The following PIP4P2 variants were observed in gnomAD, a reference collection of about 807,000 sequenced individuals.
PIP4P2 encodes the protein phosphatidylinositol-4,5-bisphosphate 4-phosphatase 2.
Under a neutral mutation model 33.3 loss-of-function variants are expected in PIP4P2, and 19 were observed. The ratio of observed to expected loss-of-function variants is 0.57; its 90% CI spans 0.40 to 0.84. PIP4P2 has a LOEUF of 0.84. PIP4P2 is among the 40% of genes least tolerant of loss of function. The pLI is 0.00. For synonymous variants in PIP4P2, 110 were observed against 111.9 expected (o/e 0.98, Z 0.11); for missense variants, 270 against 324.7 (o/e 0.83, Z 1.29).
In PIP4P2 at chr8:91,040,663, C is replaced by T. The variant is rs1370682271; in HGVS notation, c.87G>A (p.Leu29=). ...CCTTACCTCTGGGGCTGCTTTCTTG[C>T]AAGTACGGTGGGGCGGTGGGAGTGA... The part of the protein sequence containing the change: ...GNVTPTAPPY[L]QESSPRAELP... Residue 29 remains leucine, a synonymous_variant, in exon 1 of 7, where the codon TTG becomes TTA. Transcript: ENST00000285419. The T allele has an allele frequency of 6.2e-7, 1 of 1,613,630 alleles. No individual in the cohort carries two copies. Among genetic ancestry groups the T allele is most frequent in the Non-Finnish European group, 8.5e-7 (1 of 1,180,044 alleles).
intron 5 of PIP4P2, 58 bp from the exon 6 acceptor site, chr8:90,996,802 T>G (rs1443831201): frequency 7.1e-7 from 1 of 1,405,644 alleles, no homozygotes; most frequent in East Asian, 2.5e-5. Context: ...ATTCTCTATT[T>G]CATTTTTGTG....
chr8:91,018,263 A>G (rs2130367157), intron 4 of PIP4P2, 127 bp downstream of exon 4: 3 of 1,434,518 alleles, frequency 2.1e-6, no homozygotes, highest in Non-Finnish European at 2.8e-6. Context: ...GTCTGCCTAA[A>G]TAAGTCTCTA....
At chr8:91,001,903 C>A (rs1811704400) in intron 5 of PIP4P2, among the ~76,000 whole-genome samples, 1 of 152,046 alleles carries the variant, frequency 6.6e-6, no homozygotes, top group Admixed American at 6.6e-5. Flanking sequence ...TAGACTGATA[C>A]TAACCCTAAA....
chr8:91,022,508 G>A (rs1319920291), intron 1 of PIP4P2, among the ~76,000 whole-genome samples: 1 of 152,114 alleles, frequency 6.6e-6, no homozygotes, highest in Non-Finnish European at 1.5e-5. Context: ...GTAAAGTTTT[G>A]TCTTGGGACA....
At chr8:91,019,395 C>CA (rs71510466) in intron 3 of PIP4P2, among the ~76,000 whole-genome samples, 353 of 19,706 alleles carry the variant, frequency 0.018, 46 homozygotes, top group African/African-American at 0.064. Flanking sequence ...CCTGTCTCTA[C>CA]AAAAAAAAAA....
At chr8:91,038,286 G>C (rs749059744) in intron 1 of PIP4P2, among the ~76,000 whole-genome samples, 1 of 152,078 alleles carries the variant, frequency 6.6e-6, no homozygotes, top group Non-Finnish European at 1.5e-5. Context: ...AAAGAGAAAG[G>C]GGTCAGATTG....
At chr8:91,003,748 C>T (rs1196557249) in intron 5 of PIP4P2, among the ~76,000 whole-genome samples, 1 of 151,826 alleles carries the variant, frequency 6.6e-6, no homozygotes, top group South Asian at 2.1e-4. Flanking sequence ...AGAGAAAACC[C>T]GGATAAAGTG....
chr8:91,034,617 G>A (rs1250995700), intron 1 of PIP4P2, among the ~76,000 whole-genome samples: 1 of 152,182 alleles, frequency 6.6e-6, no homozygotes, highest in Non-Finnish European at 1.5e-5. Flanking sequence ...ACACTCTACT[G>A]GGGCTTGGGG....
At position 91,015,337 on chromosome 8, in the gene PIP4P2, G is replaced by A. The variant is rs538825589; in HGVS notation, c.486+3053C>T. 2.6e-5 allele frequency among the ~76,000 whole-genome samples: 4 copies of A among 152,236 alleles called. No homozygotes were observed. In the East Asian group the frequency reaches 5.8e-4, roughly 22 times the overall value. On this transcript the variant is annotated intron_variant, in intron 4 of 6. Transcript: ENST00000285419. ...AGGAAGAGGATAAGGAAGAGTGGAA[G>A]GAGGGGGAGAAGGAGGGAGAGGACG... is the stretch of plus-strand genomic sequence containing the variant.
intron 1 of PIP4P2, among the ~76,000 whole-genome samples, chr8:91,035,054 A>C (rs1812217212): frequency 6.6e-6 from 1 of 152,226 alleles, no homozygotes; most frequent in African/African-American, 2.4e-5. Context: ...ATAAGAGTAC[A>C]TATTAAATGA....
Position 90,994,398 on chromosome 8 carries a change from C to T in PIP4P2, c.*1279G>A, listed in dbSNP as rs565515585. The T allele has an allele frequency of 5.3e-5, 8 of 152,082 alleles. No homozygotes were observed. In the East Asian group the frequency reaches 9.6e-4, roughly 18 times the overall value. 9.4% of individuals were successfully genotyped at this position (152,082 alleles called of 1,614,324 possible). ...TTTGCTTCAAATTCTGTGATGAGTA[C>T]GTTTTTATACTAATCAGTATCATAA... On this transcript the variant is annotated 3_prime_UTR_variant, in exon 7 of 7. Coordinates refer to ENST00000285419, the MANE Select transcript of PIP4P2 (RefSeq NM_018710.3).
chr8:91,015,796 G>A (rs1811907924), intron 4 of PIP4P2, among the ~76,000 whole-genome samples: 1 of 152,100 alleles, frequency 6.6e-6, no homozygotes, highest in Non-Finnish European at 1.5e-5. Context: ...TGTCTTGATT[G>A]GCTAACACCT....
At chr8:91,018,249 G>A in intron 4 of PIP4P2, 141 bp downstream of exon 4, 1 of 1,333,084 alleles carries the variant, frequency 7.5e-7, no homozygotes, top group East Asian at 2.4e-5. Flanking sequence ...TTGCACTTCT[G>A]ATTGTCTGCC....
At chr8:91,025,996 G>C (rs1271917096) in intron 1 of PIP4P2, among the ~76,000 whole-genome samples, 1 of 152,132 alleles carries the variant, frequency 6.6e-6, no homozygotes, top group Non-Finnish European at 1.5e-5. Flanking sequence ...AAATTCATCT[G>C]GCTGAAGACA....
At chr8:91,003,998 G>C (rs1563561858) in intron 5 of PIP4P2, among the ~76,000 whole-genome samples, 1 of 151,866 alleles carries the variant, frequency 6.6e-6, no homozygotes. Flanking sequence ...TAGATAGATA[G>C]ATAGATAGAT....
chr8:91,016,637 C>G (rs1396291291), intron 4 of PIP4P2: 1 of 152,008 alleles, frequency 6.6e-6, no homozygotes, highest in Non-Finnish European at 1.5e-5. Flanking sequence ...ATAATATTTC[C>G]CTGCATCTTT....
At chr8:91,035,164 G>T (rs1394027295) in intron 1 of PIP4P2, among the ~76,000 whole-genome samples, 2 of 152,154 alleles carry the variant, frequency 1.3e-5, no homozygotes, top group Non-Finnish European at 2.9e-5. Flanking sequence ...AGGTGAAAAG[G>T]ATATGGCAAT....
chr8:91,035,590 G>A (rs1166235285), intron 1 of PIP4P2, among the ~76,000 whole-genome samples: 1 of 152,162 alleles, frequency 6.6e-6, no homozygotes, highest in Non-Finnish European at 1.5e-5. Flanking sequence ...GTCATTAAAT[G>A]TGAAGGTTTT....
chr8:91,039,469 G>A (rs1362828923), intron 1 of PIP4P2, among the ~76,000 whole-genome samples: 1 of 152,162 alleles, frequency 6.6e-6, no homozygotes, highest in South Asian at 2.1e-4. Context: ...GTTACAAAAT[G>A]TTAAATAGAA....
Sources: allele counts gnomAD v4.1 joint callset (sites outside exome capture counted in the v4.1 genomes callset), GRCh38; gene constraint gnomAD v4.1.1; transcripts MANE v1.5; gene names NCBI Gene and HGNC (gene_info 2026-07-23, HGNC 2026-07-21).